Variants in DNAAF9 observed in about 807,000 individuals in gnomAD.
DNAAF9 encodes the protein shulin.
In DNAAF9, 90 loss-of-function variants were observed where a neutral mutation model predicts 167.0. That is an observed-to-expected ratio of 0.54 (90% CI 0.45 to 0.64). The LOEUF (loss-of-function observed/expected upper bound fraction) is 0.64. Ranked by LOEUF, DNAAF9 falls within the 30% of genes least tolerant of loss-of-function variation. DNAAF9 has a pLI of 0.00. For missense variants in DNAAF9, 1,315 were observed against 1,442.2 expected (o/e 0.91, Z 1.43); for synonymous variants, 491 against 508.8 (o/e 0.96, Z 0.47).
intron 27 of DNAAF9, among the ~76,000 whole-genome samples, chr20:3,285,974 C>T (rs147957809): frequency 0.08 from 11,832 of 147,770 alleles, 692 homozygotes; most frequent in Non-Finnish European, 0.12. Context: ...AGCAAGACTC[C>T]GTTTCAAAAA....
intron 1 of DNAAF9, among the ~76,000 whole-genome samples, chr20:3,389,192 C>G (rs977448213): frequency 6.6e-6 from 1 of 152,096 alleles, no homozygotes; most frequent in African/African-American, 2.4e-5. Context: ...GTTGCTCAAG[C>G]TGGAGTGCAG....
At position 3,342,756 on chromosome 20, in the gene DNAAF9, T is replaced by C. The variant is rs2070111984; in HGVS notation, c.845+920A>G. 2.0e-5 allele frequency among the ~76,000 whole-genome samples: 3 copies of C among 152,084 alleles called. No individual in the cohort carries two copies. In the South Asian group the frequency reaches 6.2e-4, roughly 32 times the overall value. ...TACTTTGTTTCACTATTAGATTGGA[T>C]TGGAATTGGGGGAAGAAAAGAGAGA... On this transcript the variant is annotated intron_variant, in intron 9 of 36. Coordinates refer to ENST00000252032, the MANE Select transcript of DNAAF9 (RefSeq NM_001009984.3).
rs386393120 is a variant in DNAAF9 at position 3,268,897 on chromosome 20, C to CTTTTTTTTTT, written c.2786+1520_2786+1529dup. On this transcript the variant is annotated intron_variant, in intron 30 of 36. Coordinates refer to ENST00000252032, the MANE Select transcript of DNAAF9 (RefSeq NM_001009984.3). ...GTAAAGAGATAATATCTCTATGTTACTTTTTTTTTTTTTTTTTTTTTTTTG... is the reference window on the plus strand; with the variant it reads ...GTAAAGAGATAATATCTCTATGTTACTTTTTTTTTTTTTTTTTTTTTTTTTTTTTTTTTTG... 1.2e-3 allele frequency among the ~76,000 whole-genome samples: 99 copies of CTTTTTTTTTT among 85,838 alleles called. 10 individuals are homozygous for CTTTTTTTTTT. Among genetic ancestry groups the CTTTTTTTTTT allele is most frequent in the Middle Eastern group, 0.01 (1 of 100 alleles). The allele number at this position is 85,838 out of a possible 152,430, so 56.3% of individuals were successfully genotyped here. A position where few individuals can be genotyped will look rare whatever the true frequency, so the allele number is the denominator to read the frequency against.
At chr20:3,375,226 AT>A (rs2083560182) in intron 4 of DNAAF9, 100 bp from the exon 5 acceptor site, 6 of 791,230 alleles carry the variant, frequency 7.6e-6, no homozygotes, top group Non-Finnish European at 1.1e-5. Context: ...CCCAAATGAC[AT>A]TTACAGAGGA....
At chr20:3,317,370 A>C (rs2069522626) in intron 17 of DNAAF9, among the ~76,000 whole-genome samples, 1 of 151,094 alleles carries the variant, frequency 6.6e-6, no homozygotes. Flanking sequence ...CAAAAAAAAA[A>C]AAAAAAAAAA....
At chr20:3,326,472 T>C (rs1600790011) in intron 12 of DNAAF9, among the ~76,000 whole-genome samples, 188 bp from the exon 13 acceptor site, 1 of 152,138 alleles carries the variant, frequency 6.6e-6, no homozygotes, top group African/African-American at 2.4e-5. Context: ...TGGCTCAGGC[T>C]TGTAATCCCA....
intron 6 of DNAAF9, among the ~76,000 whole-genome samples, chr20:3,367,374 G>A (rs2083444200): frequency 6.6e-6 from 1 of 152,210 alleles, no homozygotes; most frequent in African/African-American, 2.4e-5. Context: ...GTGAAGTAGT[G>A]CTTTTAGTTT....
intron 10 of DNAAF9, among the ~76,000 whole-genome samples, chr20:3,337,445 T>G (rs1568613290): frequency 1.3e-5 from 2 of 150,524 alleles, no homozygotes; most frequent in Admixed American, 1.3e-4. Context: ...TTTTTGTTTT[T>G]TTTTTTTTTG....
intron 11 of DNAAF9, among the ~76,000 whole-genome samples, chr20:3,330,887 G>GT (rs1225651048): frequency 5.9e-5 from 9 of 151,410 alleles, no homozygotes; most frequent in African/African-American, 2.2e-4. Flanking sequence ...CGCCTCCCAG[G>GT]TTCAGGCGAT....
intron 27 of DNAAF9, among the ~76,000 whole-genome samples, chr20:3,287,180 C>T (rs1250715447): frequency 1.3e-5 from 2 of 152,278 alleles, no homozygotes; most frequent in Non-Finnish European, 2.9e-5. Context: ...TGAATATTCC[C>T]ACTCCTCACT....
Position 3,296,874 on chromosome 20 carries a change from C to T in DNAAF9, c.2005G>A (p.Glu669Lys). 6.2e-7 allele frequency: 1 copy of T among 1,606,836 alleles called. No individual in the cohort carries two copies. Among genetic ancestry groups the T allele is most frequent in the South Asian group, 1.1e-5 (1 of 90,794 alleles). The change falls in exon 23 of 37, where the codon GAA (glutamate) becomes AAA (lysine). Residue 669 changes from glutamate (E) to lysine (K), a missense_variant. By Grantham distance (56) the Glu-to-Lys change is moderately conservative. Transcript: ENST00000252032. ...GCAGCCACTTACAATCTCTTTTGTT[C>T]CACAGATAATCCATCTTCCTGGATC... ...KVIQEDGLSV[E>K]QKRLHSSAQK...
chr20:3,260,164 C>T (rs6115832), intron 31 of DNAAF9, 136 bp from the exon 32 acceptor site: 13,684 of 511,614 alleles, frequency 0.027, 857 homozygotes, highest in East Asian at 0.16. Flanking sequence ...AAGGTGAAAC[C>T]CCGTCTCTAC....
chr20:3,283,195 C>G (rs2068791547), intron 27 of DNAAF9, among the ~76,000 whole-genome samples: 1 of 152,204 alleles, frequency 6.6e-6, no homozygotes, highest in African/African-American at 2.4e-5. Context: ...GGAAATAAGT[C>G]AAACCTAACA....
intron 29 of DNAAF9, among the ~76,000 whole-genome samples, chr20:3,276,834 C>T (rs2068682725): frequency 6.6e-6 from 1 of 152,192 alleles, no homozygotes; most frequent in African/African-American, 2.4e-5. Context: ...CCTAGGCACA[C>T]CATCTGATAG....
chr20:3,368,559 C>T (rs1212069593), intron 6 of DNAAF9, among the ~76,000 whole-genome samples: 3 of 147,526 alleles, frequency 2.0e-5, no homozygotes, highest in South Asian at 2.2e-4. Context: ...TTCGCCCAGG[C>T]TGGAGTGCAG....
At chr20:3,369,734 C>T (rs1011530587) in intron 6 of DNAAF9, among the ~76,000 whole-genome samples, 1 of 152,102 alleles carries the variant, frequency 6.6e-6, no homozygotes, top group East Asian at 1.9e-4. Flanking sequence ...TTTCTATCTC[C>T]GTGATGTTTT....
intron 1 of DNAAF9, among the ~76,000 whole-genome samples, chr20:3,387,334 G>C (rs1330421233): frequency 6.6e-6 from 1 of 152,114 alleles, no homozygotes; most frequent in Non-Finnish European, 1.5e-5. Flanking sequence ...AGAATAAAGA[G>C]ACCAGAAACA....
chr20:3,253,874 C>T, intron 35 of DNAAF9, 55 bp from the exon 36 acceptor site: 1 of 980,198 alleles, frequency 1.0e-6, no homozygotes, highest in South Asian at 1.3e-5. Flanking sequence ...ATACTTCACT[C>T]ACTCATTAAA....
intron 33 of DNAAF9, 42 bp downstream of exon 33, chr20:3,259,438 C>T: frequency 8.3e-7 from 1 of 1,208,014 alleles, no homozygotes; most frequent in Admixed American, 1.7e-5. Context: ...GAGATGCAAG[C>T]ACTCCATGGT....
Sources: allele counts gnomAD v4.1 joint callset (sites outside exome capture counted in the v4.1 genomes callset), GRCh38; gene constraint gnomAD v4.1.1; transcripts MANE v1.5; gene names NCBI Gene and HGNC (gene_info 2026-07-23, HGNC 2026-07-21).